The following KLHL8 variants were observed in gnomAD, a reference collection of about 807,000 sequenced individuals.
KLHL8 encodes the protein kelch like family member 8.
Under a neutral mutation model 63.5 loss-of-function variants are expected in KLHL8, and 38 were observed. The observed-to-expected ratio is 0.60, with a 90% CI of 0.46 to 0.78. KLHL8 has a LOEUF of 0.78. Among genes scored for constraint, KLHL8 ranks in the 30% least tolerant of loss-of-function variants. The pLI, the probability that KLHL8 is intolerant of heterozygous loss-of-function variation, is 0.00. For missense variants in KLHL8, 566 were observed against 752.4 expected, an observed-to-expected ratio of 0.75 and a Z score of 2.90; for synonymous variants, 224 against 254.3, an observed-to-expected ratio of 0.88 and a Z score of 1.13.
At chr4:87,194,163 G>T (rs1560705284) in intron 2 of KLHL8, among the ~76,000 whole-genome samples, 1 of 152,200 alleles carries the variant, frequency 6.6e-6, no homozygotes, top group African/African-American at 2.4e-5. Context: ...TAAGGGCTCT[G>T]TGCTCATGAA....
At chr4:87,219,254 A>G (rs547349589) in intron 1 of KLHL8, among the ~76,000 whole-genome samples, 16 of 152,230 alleles carry the variant, frequency 1.1e-4, no homozygotes, top group Non-Finnish European at 2.4e-4. Context: ...CAGCACTGTT[A>G]GCAGCAGTCC....
intron 8 of KLHL8, among the ~76,000 whole-genome samples, chr4:87,165,918 A>T (rs1265767409): frequency 6.6e-6 from 1 of 152,098 alleles, no homozygotes; most frequent in Non-Finnish European, 1.5e-5. Flanking sequence ...AGATTTTTTT[A>T]ATGTTCAACC....
rs1356011544 is a variant in KLHL8, at chr4:87,161,124, AC to A, written c.*2394del. On this transcript the variant is annotated 3_prime_UTR_variant, in exon 10 of 10. Transcript: ENST00000273963. The stretch of plus-strand genomic sequence containing the variant: ...GATGGCTCAACCTCGGCTCATTGCA[AC>A]CTCCACCTCCTGGGTTCAAGCAATT... The A allele has an allele frequency of 2.0e-5, 3 of 148,814 alleles. No homozygotes were observed. The highest frequency in any genetic ancestry group is 7.5e-5 in the African/African-American group (3 of 40,158). 9.2% of individuals were successfully genotyped at this position (148,814 alleles called of 1,614,324 possible). A position where few individuals can be genotyped will look rare whatever the true frequency, so the allele number is the denominator to read the frequency against.
At chr4:87,235,976 A>G (rs1733220309) in intron 1 of KLHL8, among the ~76,000 whole-genome samples, 1 of 152,096 alleles carries the variant, frequency 6.6e-6, no homozygotes, top group South Asian at 2.1e-4. Flanking sequence ...CCTCTGCTGG[A>G]ATATATTGGT....
intron 1 of KLHL8, among the ~76,000 whole-genome samples, chr4:87,236,027 T>C (rs1733221365): frequency 6.6e-6 from 1 of 152,056 alleles, no homozygotes; most frequent in South Asian, 2.1e-4. Context: ...TCCAAGTTGG[T>C]AGAAATAGAA....
intron 1 of KLHL8, among the ~76,000 whole-genome samples, chr4:87,208,485 C>G (rs1330616991): frequency 6.6e-6 from 1 of 151,862 alleles, no homozygotes; most frequent in African/African-American, 2.4e-5. Flanking sequence ...TACAGGCATG[C>G]AACCACCATG....
In KLHL8 at chr4:87,183,221, G is replaced by C; in HGVS notation, c.934C>G (p.Pro312Ala). The change falls in exon 4 of 10, where the codon CCA becomes GCA. Residue 312 changes from proline (P) to alanine (A), a missense_variant. Transcript: ENST00000273963. ...PDFEYSIRTT[P>A]RKHTAGVLFC... is the part of the protein sequence containing the mutation. ...TGGTTACCAGCAGTATGCTTCCTTG[G>C]GGTAGTCCGAATGGAGTATTCAAAG... The C allele has an allele frequency of 6.2e-7, 1 of 1,607,290 alleles. No individual in the cohort carries two copies. The highest frequency in any genetic ancestry group is 8.5e-7 in the Non-Finnish European group (1 of 1,175,996).
At chr4:87,187,455 T>G (rs968476592) in intron 2 of KLHL8, among the ~76,000 whole-genome samples, 4 of 151,974 alleles carry the variant, frequency 2.6e-5, no homozygotes, top group Non-Finnish European at 4.4e-5. Flanking sequence ...CTATTTGTAT[T>G]TCTTCTATGA....
chr4:87,168,681 T>C (rs1730502221), intron 8 of KLHL8, among the ~76,000 whole-genome samples: 1 of 149,018 alleles, frequency 6.7e-6, no homozygotes, highest in African/African-American at 2.5e-5. Flanking sequence ...TGTGTATATA[T>C]GTGTGTATAT....
intron 1 of KLHL8, among the ~76,000 whole-genome samples, chr4:87,211,762 G>A (rs554800307): frequency 7.5e-4 from 114 of 152,260 alleles, no homozygotes; most frequent in African/African-American, 2.4e-3. Context: ...AAGTCAGGGC[G>A]TGCTGAAATT....
At chr4:87,234,394 G>A (rs952283585) in intron 1 of KLHL8, among the ~76,000 whole-genome samples, 12 of 150,070 alleles carry the variant, frequency 8.0e-5, no homozygotes, top group Middle Eastern at 3.4e-3. Context: ...AGCGGAGGTC[G>A]TACCACTGCA....
chr4:87,168,653 T>C (rs1011996885), intron 8 of KLHL8, among the ~76,000 whole-genome samples: 6 of 149,992 alleles, frequency 4.0e-5, no homozygotes, highest in African/African-American at 1.2e-4. Context: ...TTAAAAGATA[T>C]ATATATGTAT....
chr4:87,209,350 T>C (rs1329099880), intron 1 of KLHL8, among the ~76,000 whole-genome samples: 1 of 152,024 alleles, frequency 6.6e-6, no homozygotes, highest in Admixed American at 6.6e-5. Context: ...TCCATTTCTA[T>C]CACATGTTGG....
At chr4:87,210,262 A>C (rs1236371244) in intron 1 of KLHL8, among the ~76,000 whole-genome samples, 3 of 152,136 alleles carry the variant, frequency 2.0e-5, no homozygotes, top group Non-Finnish European at 2.9e-5. Flanking sequence ...CGGGCGGATC[A>C]CGAGGTCAGG....
Position 87,161,335 on chromosome 4 carries a change from T to G in KLHL8, c.*2184A>C, listed in dbSNP as rs551066441. ...CTGGGATCACAGGCGTGAGCCACCA[T>G]GCCTGGCCTATTTATCTTTTCATAC... is the stretch of plus-strand genomic sequence containing the variant. On this transcript the variant is annotated 3_prime_UTR_variant, in exon 10 of 10. Transcript: ENST00000273963. 1.5e-4 allele frequency: 23 copies of G among 152,390 alleles called. No homozygotes were observed. The highest frequency in any genetic ancestry group is 1.4e-3 in the Admixed American group (21 of 15,294). The allele number at this position is 152,390 out of a possible 1,614,324, so 9.4% of individuals were successfully genotyped here.
At chr4:87,173,103 G>A (rs182427765) in intron 6 of KLHL8, among the ~76,000 whole-genome samples, 3 of 151,708 alleles carry the variant, frequency 2.0e-5, no homozygotes, top group Admixed American at 6.6e-5. Context: ...CTCTTTCATC[G>A]CCTGGTTTTT....
Position 87,170,163 on chromosome 4 carries a change from C to T in KLHL8, c.1453G>A (p.Asp485Asn), listed in dbSNP as rs1158857759. 9 of 1,613,328 alleles carry T rather than the reference C, an allele frequency of 5.6e-6. No homozygotes were observed. Among genetic ancestry groups the T allele is most frequent in the Non-Finnish European group, 6.8e-6 (8 of 1,179,392 alleles). Reference sequence around the variant, plus strand: ...ATTTCTTTAACTTCTATCCACTTATCCAGATGTGGATCATATCTCTCCACG... The same window carrying T: ...ATTTCTTTAACTTCTATCCACTTATTCAGATGTGGATCATATCTCTCCACG... ...SSVERYDPHL[D>N]KWIEVKEMGQ... Residue 485 changes from aspartate to asparagine, a missense_variant, in exon 8 of 10, where the codon GAT becomes AAT. By Grantham distance (23) the Asp-to-Asn change is conservative. Transcript: ENST00000273963.
Position 87,176,742 on chromosome 4 carries a change from T to C in KLHL8, c.1208+15A>G, listed in dbSNP as rs747773563. 5.0e-6 allele frequency: 7 copies of C among 1,392,632 alleles called. No homozygotes were observed. Among genetic ancestry groups the C allele is most frequent in the Non-Finnish European group, 7.0e-6 (7 of 993,500 alleles). The allele number at this position is 1,392,632 out of a possible 1,614,324, so 86.3% of individuals were successfully genotyped here. A position where few individuals can be genotyped will look rare whatever the true frequency, so the allele number is the denominator to read the frequency against. On this transcript the variant is annotated intron_variant, in intron 6 of 9. Transcript: ENST00000273963. ...TTCCACCATCAGTTCAAAATAACTT[T>C]CCATGCTGATCTACCTCTTTGTGTT... is the stretch of plus-strand genomic sequence containing the variant.
exon 1 of KLHL8, chr4:87,240,270 T>A (rs1021051320): frequency 3.9e-5 from 6 of 152,192 alleles, no homozygotes; most frequent in Non-Finnish European, 7.4e-5. Flanking sequence ...GGGCTTTAGG[T>A]TGTAGAGGCA....
Sources: gnomAD v4.1 joint callset for allele counts (sites outside exome capture counted in the v4.1 genomes callset) on GRCh38, gnomAD v4.1.1 for gene constraint, MANE v1.5 for transcripts, NCBI Gene and HGNC (gene_info 2026-07-23, HGNC 2026-07-21) for gene names.